The following GRIA2 variants were observed in gnomAD, a reference collection of about 807,000 sequenced individuals.
The protein encoded by GRIA2 is glutamate receptor 2.
A neutral mutation model predicts 97.3 loss-of-function variants in GRIA2; 14 were observed. That is an observed-to-expected ratio of 0.14 (90% CI 0.10 to 0.23). The LOEUF (loss-of-function observed/expected upper bound fraction) is 0.23, where lower values mean the gene tolerates loss of function less well. GRIA2 is among the 10% of genes least tolerant of loss of function. The pLI, the probability that GRIA2 is intolerant of heterozygous loss-of-function variation, is 1.00. For synonymous variants in GRIA2, 412 were observed against 387.8 expected, an observed-to-expected ratio of 1.06 and a Z score of -0.73; for missense variants, 558 against 1,069.8, an observed-to-expected ratio of 0.52 and a Z score of 6.67.
Position 157,327,179 on chromosome 4 carries a change from T to C in GRIA2, c.882+5580T>C, listed in dbSNP as rs186865892. Among the ~76,000 whole-genome samples the C allele has an allele frequency of 7.4e-4, 112 of 152,294 alleles. 2 individuals are homozygous for C. The highest frequency in any genetic ancestry group is 2.6e-3 in the African/African-American group (108 of 41,572). On this transcript the variant is annotated intron_variant, in intron 6 of 15. Coordinates refer to ENST00000264426, the MANE Select transcript of GRIA2 (RefSeq NM_001083619.3). ...GCCTTTCAAAGGAAATCTGGCTCATTTGTATCTTATTAGCCTTAAATCTCA... is the reference window on the plus strand; with the variant it reads ...GCCTTTCAAAGGAAATCTGGCTCATCTGTATCTTATTAGCCTTAAATCTCA...
chr4:157,276,527 A>C (rs925709196), intron 2 of GRIA2, among the ~76,000 whole-genome samples: 2 of 151,974 alleles, frequency 1.3e-5, no homozygotes, highest in African/African-American at 4.8e-5. Context: ...AATAATAAAA[A>C]ATGGAGCAGA....
rs149988912 is a variant in GRIA2 at position 157,305,266 on chromosome 4, G to A, written c.469+1475G>A. On this transcript the variant is annotated intron_variant, in intron 3 of 15. Transcript: ENST00000264426. ...TTTCATCCTTGCATCCTATTGATGT[G>A]ATTTCCACTGCCTAATTATATGTCT... Among the ~76,000 whole-genome samples, 9 of 152,108 alleles carry A rather than the reference G, an allele frequency of 5.9e-5. No homozygotes were observed. In the East Asian group the frequency reaches 1.7e-3, roughly 30 times the overall value.
chr4:157,263,802 G>T (rs2126774407), intron 2 of GRIA2, among the ~76,000 whole-genome samples: 1 of 152,174 alleles, frequency 6.6e-6, no homozygotes, highest in South Asian at 2.1e-4. Context: ...TCAGGAAGAT[G>T]AAGTTCTCTT....
intron 2 of GRIA2, among the ~76,000 whole-genome samples, chr4:157,256,254 A>AT (rs11416827): frequency 0.18 from 19,148 of 106,208 alleles, 3,026 homozygotes; most frequent in African/African-American, 0.29. Context: ...ATAATATATA[A>AT]ATTATATATT....
At chr4:157,253,030 C>A (rs1731083151) in intron 2 of GRIA2, among the ~76,000 whole-genome samples, 1 of 151,790 alleles carries the variant, frequency 6.6e-6, no homozygotes, top group Admixed American at 6.6e-5. Context: ...AGTTATTTTT[C>A]ACAAAATATG....
intron 2 of GRIA2, among the ~76,000 whole-genome samples, chr4:157,302,933 T>A (rs1733679289): frequency 1.3e-5 from 2 of 152,184 alleles, no homozygotes; most frequent in African/African-American, 4.8e-5. Flanking sequence ...ACATATAGGG[T>A]AAGTTAGGTC....
At chr4:157,339,878 A>G (rs1485133759) in intron 11 of GRIA2, among the ~76,000 whole-genome samples, 1 of 151,876 alleles carries the variant, frequency 6.6e-6, no homozygotes, top group East Asian at 1.9e-4. Context: ...TATATTTAAT[A>G]TCCTTTTCAG....
rs181990923 is a variant in GRIA2, at chr4:157,308,092, T to G, written c.469+4301T>G. Reference sequence around the variant, plus strand: ...TGTATATTTTGGCAGTAATCATTTTTAATTTAACCCTTTAACGTGCAAACT... The same window carrying G: ...TGTATATTTTGGCAGTAATCATTTTGAATTTAACCCTTTAACGTGCAAACT... On this transcript the variant is annotated intron_variant, in intron 3 of 15. Coordinates refer to ENST00000264426, the MANE Select transcript of GRIA2 (RefSeq NM_001083619.3). Among the ~76,000 whole-genome samples, 26 of 152,384 alleles carry G rather than the reference T, an allele frequency of 1.7e-4. 1 individual carries two copies. In the East Asian group the frequency reaches 4.8e-3, roughly 28 times the overall value.
chr4:157,286,377 C>T (rs1732846776), intron 2 of GRIA2, among the ~76,000 whole-genome samples: 1 of 151,452 alleles, frequency 6.6e-6, no homozygotes, highest in Non-Finnish European at 1.5e-5. Flanking sequence ...GTTATTTAGG[C>T]TCTCTTATTT....
intron 2 of GRIA2, among the ~76,000 whole-genome samples, chr4:157,263,440 C>G (rs770818024): frequency 6.6e-6 from 1 of 151,662 alleles, no homozygotes; most frequent in Admixed American, 6.6e-5. Context: ...AACAGTATAC[C>G]AAAAAATCCA....
intron 2 of GRIA2, among the ~76,000 whole-genome samples, chr4:157,294,391 CAA>C (rs910992259): frequency 1.3e-5 from 2 of 149,388 alleles, no homozygotes; most frequent in Admixed American, 6.7e-5. Context: ...TAAGATCAGA[CAA>C]GAGATTGCAG....
chr4:157,225,709 G>A (rs1729713300), intron 2 of GRIA2, among the ~76,000 whole-genome samples: 1 of 148,550 alleles, frequency 6.7e-6, no homozygotes, highest in African/African-American at 2.5e-5. Context: ...AGTGTGCATT[G>A]GTAGCTGTGG....
At chr4:157,248,732 C>A (rs866496490) in intron 2 of GRIA2, among the ~76,000 whole-genome samples, 4 of 134,264 alleles carry the variant, frequency 3.0e-5, no homozygotes, top group Non-Finnish European at 6.3e-5. Flanking sequence ...TGTATATACA[C>A]GTATGTATAT....
At chr4:157,304,991 C>G (rs1733778260) in intron 3 of GRIA2, among the ~76,000 whole-genome samples, 1 of 152,132 alleles carries the variant, frequency 6.6e-6, no homozygotes. Context: ...AACTATGTCC[C>G]CCTGCTTTGA....
intron 2 of GRIA2, among the ~76,000 whole-genome samples, chr4:157,299,046 G>A (rs952707652): frequency 2.6e-5 from 4 of 151,962 alleles, no homozygotes; most frequent in African/African-American, 9.7e-5. Context: ...TAGAGCGACA[G>A]GAAAAGTACC....
At chr4:157,235,306 G>A (rs1730193863) in intron 2 of GRIA2, among the ~76,000 whole-genome samples, 1 of 151,962 alleles carries the variant, frequency 6.6e-6, no homozygotes, top group Non-Finnish European at 1.5e-5. Context: ...TATTGTCTGA[G>A]GTGACAAAGA....
intron 3 of GRIA2, among the ~76,000 whole-genome samples, chr4:157,311,684 T>A (rs893081013): frequency 2.6e-5 from 4 of 151,972 alleles, no homozygotes; most frequent in African/African-American, 9.7e-5. Context: ...GATGCAGGCT[T>A]TTCTAGAATA....
intron 5 of GRIA2, among the ~76,000 whole-genome samples, chr4:157,320,774 A>G (rs1307976306): frequency 6.6e-6 from 1 of 152,148 alleles, no homozygotes; most frequent in African/African-American, 2.4e-5. Flanking sequence ...AGAGAGATAT[A>G]CTATCAAGTT....
At chr4:157,356,797 T>C (rs1397520568) in intron 12 of GRIA2, among the ~76,000 whole-genome samples, 1 of 152,092 alleles carries the variant, frequency 6.6e-6, no homozygotes, top group Non-Finnish European at 1.5e-5. Context: ...GTCAAGAGGC[T>C]GGAGTGGATC....
Sources: allele counts gnomAD v4.1 joint callset (sites outside exome capture counted in the v4.1 genomes callset), GRCh38; gene constraint gnomAD v4.1.1; transcripts MANE v1.5; gene names NCBI Gene and HGNC (gene_info 2026-07-23, HGNC 2026-07-21).